The following ZMIZ1 variants were observed in gnomAD, a reference collection of about 807,000 sequenced individuals.
ZMIZ1 encodes the protein zinc finger MIZ domain-containing protein 1.
A neutral mutation model predicts 113.9 loss-of-function variants in ZMIZ1; 17 were observed. That is an observed-to-expected ratio of 0.15 (90% CI 0.10 to 0.22). The LOEUF is 0.22. Ranked by LOEUF, ZMIZ1 falls within the 10% of genes least tolerant of loss-of-function variation. The probability of loss-of-function intolerance (pLI) is 1.00; values close to 1 mark genes in which losing one functional copy is unlikely to be tolerated. For missense variants in ZMIZ1, 1,059 were observed against 1,477.8 expected, an observed-to-expected ratio of 0.72 and a Z score of 4.65; for synonymous variants, 607 against 603.1, an observed-to-expected ratio of 1.01 and a Z score of -0.09.
intron 7 of ZMIZ1, among the ~76,000 whole-genome samples, chr10:79,238,077 C>T (rs975616397): frequency 3.0e-4 from 45 of 152,316 alleles, no homozygotes; most frequent in African/African-American, 1.0e-3. Context: ...CCTCCCCGCT[C>T]GGTAGCCTGG....
intron 3 of ZMIZ1, among the ~76,000 whole-genome samples, chr10:79,160,958 G>A (rs1259380837): frequency 6.6e-6 from 1 of 152,194 alleles, no homozygotes; most frequent in East Asian, 1.9e-4. Context: ...TTGAATTCAG[G>A]GTTCTGCACA....
At chr10:79,179,964 G>C (rs574421814) in intron 4 of ZMIZ1, among the ~76,000 whole-genome samples, 2 of 152,252 alleles carry the variant, frequency 1.3e-5, no homozygotes, top group Non-Finnish European at 2.9e-5. Flanking sequence ...TGGGGCCAAC[G>C]GGGCAGGCTG....
intron 24 of ZMIZ1, 85 bp from the exon 25 acceptor site, chr10:79,312,557 C>T (rs986022019): frequency 5.6e-5 from 80 of 1,432,412 alleles, no homozygotes; most frequent in Admixed American, 4.2e-4. Flanking sequence ...TGGAGGGGGA[C>T]GGGCCAGGGC....
chr10:79,164,440 T>C (rs571185329), intron 4 of ZMIZ1, among the ~76,000 whole-genome samples: 9 of 52,136 alleles, frequency 1.7e-4, no homozygotes, highest in African/African-American at 9.4e-4. Context: ...GAGTGAGTGA[T>C]TCTCATGCGT....
chr10:79,145,289 G>A (rs753886195), intron 3 of ZMIZ1, among the ~76,000 whole-genome samples: 100 of 151,896 alleles, frequency 6.6e-4, no homozygotes, highest in Non-Finnish European at 1.2e-3. Flanking sequence ...CTCTCCTGAG[G>A]TCTTCTCTCC....
intron 13 of ZMIZ1, among the ~76,000 whole-genome samples, chr10:79,297,135 T>C (rs1349698815): frequency 1.3e-5 from 2 of 152,228 alleles, no homozygotes; most frequent in African/African-American, 4.8e-5. Flanking sequence ...CCTAATATTC[T>C]GCTGAGATCA....
chr10:79,225,712 G>T (rs1461187409), intron 7 of ZMIZ1, among the ~76,000 whole-genome samples: 1 of 152,172 alleles, frequency 6.6e-6, no homozygotes, highest in Non-Finnish European at 1.5e-5. Flanking sequence ...GGTTGCAGTG[G>T]TTCTCCCACT....
intron 7 of ZMIZ1, among the ~76,000 whole-genome samples, chr10:79,243,086 A>G (rs1589472212): frequency 1.3e-5 from 2 of 150,438 alleles, no homozygotes; most frequent in African/African-American, 4.9e-5. Flanking sequence ...CTCGCCTTTC[A>G]TCTTCCTCCC....
chr10:79,156,709 G>A (rs1845915232), intron 3 of ZMIZ1, among the ~76,000 whole-genome samples: 2 of 152,192 alleles, frequency 1.3e-5, no homozygotes, highest in Admixed American at 6.5e-5. Context: ...TGAACCAAGC[G>A]TACCTCGGGA....
intron 4 of ZMIZ1, among the ~76,000 whole-genome samples, chr10:79,185,548 C>G (rs1232739565): frequency 2.0e-5 from 3 of 151,300 alleles, no homozygotes; most frequent in African/African-American, 4.9e-5. Context: ...AGAAATAAAA[C>G]AAGCAGGTTT....
In ZMIZ1 at chr10:79,312,666, G is replaced by T; in HGVS notation, c.3121G>T (p.Asp1041Tyr). 1 of 1,614,142 alleles carries T rather than the reference G, an allele frequency of 6.2e-7. No individual in the cohort carries two copies. Among genetic ancestry groups the T allele is most frequent in the Non-Finnish European group, 8.5e-7 (1 of 1,180,008 alleles). The change falls in exon 25 of 25, where the codon GAC (aspartate) becomes TAC (tyrosine). Residue 1041 changes from aspartate to tyrosine, a missense_variant. Physicochemically the swap from Asp to Tyr is radical, Grantham distance 160 (BLOSUM62 -3). Around this residue, in one of 6 missense-constraint regions of ZMIZ1, gnomAD observed 225 missense variants for 276.0 expected, o/e 0.82. Coordinates refer to ENST00000334512, the MANE Select transcript of ZMIZ1 (RefSeq NM_020338.4). The stretch of plus-strand genomic sequence containing the variant: ...GCTCCTTCCCGAACTCACAAATCCT[G>T]ACGAGCTCCTGTCTTATCTGGACCC... The part of the protein sequence containing the change: ...LDLLPELTNP[D>Y]ELLSYLDPPD...
intron 7 of ZMIZ1, among the ~76,000 whole-genome samples, chr10:79,217,827 T>C (rs533037788): frequency 3.9e-5 from 6 of 152,366 alleles, no homozygotes; most frequent in African/African-American, 1.2e-4. Flanking sequence ...ATTGCTATCG[T>C]ATTGAACTGC....
At position 79,081,362 on chromosome 10, in the gene ZMIZ1, G is replaced by GGAGACCT. The variant is rs1480815917; in HGVS notation, c.-337+12102_-337+12108dup. On this transcript the variant is annotated intron_variant, in intron 1 of 24. Coordinates refer to ENST00000334512, the MANE Select transcript of ZMIZ1 (RefSeq NM_020338.4). ...CCTCTGGTAAGAGTCTGGGCAGCTT[G>GGAGACCT]GAGACCTGAGACCTGACCTGAAAAT... is the stretch of plus-strand genomic sequence containing the variant. 4.6e-5 allele frequency among the ~76,000 whole-genome samples: 7 copies of GGAGACCT among 152,178 alleles called. No homozygotes were observed. In the East Asian group the frequency reaches 1.2e-3, roughly 25 times the overall value.
intron 7 of ZMIZ1, among the ~76,000 whole-genome samples, chr10:79,243,134 G>T (rs1849952378): frequency 6.6e-6 from 1 of 151,230 alleles, no homozygotes; most frequent in African/African-American, 2.4e-5. Context: ...CCCCCGCCGC[G>T]GCTGGCCTGG....
At chr10:79,223,353 A>C (rs1450328671) in intron 7 of ZMIZ1, among the ~76,000 whole-genome samples, 1 of 152,222 alleles carries the variant, frequency 6.6e-6, no homozygotes, top group African/African-American at 2.4e-5. Context: ...GCCGCCTGGC[A>C]GGCTGGGGCA....
chr10:79,095,930 T>G (rs898143417), intron 1 of ZMIZ1, among the ~76,000 whole-genome samples: 1 of 152,240 alleles, frequency 6.6e-6, no homozygotes, highest in Non-Finnish European at 1.5e-5. Flanking sequence ...ATGTCTCCTC[T>G]GTTGCTGAAC....
In ZMIZ1 at chr10:79,316,392, A is replaced by G. The variant is rs1275337812; in HGVS notation, c.*3643A>G. ...GATGAAACCTGTATATTAGGTGTTC[A>G]TGTGGTTATTTTGTATTTAAAGATC... is the stretch of plus-strand genomic sequence containing the variant. On this transcript the variant is annotated 3_prime_UTR_variant, in exon 25 of 25. Coordinates refer to ENST00000334512, the MANE Select transcript of ZMIZ1 (RefSeq NM_020338.4). 1 of 152,812 alleles carries G rather than the reference A, an allele frequency of 6.5e-6. No individual in the cohort carries two copies. Among genetic ancestry groups the G allele is most frequent in the Non-Finnish European group, 1.5e-5 (1 of 68,050 alleles). 9.5% of individuals were successfully genotyped at this position (152,812 alleles called of 1,614,324 possible).
At chr10:79,151,224 A>G (rs1215248783) in intron 3 of ZMIZ1, among the ~76,000 whole-genome samples, 2 of 152,154 alleles carry the variant, frequency 1.3e-5, no homozygotes, top group African/African-American at 4.8e-5. Context: ...CCTTGGACAC[A>G]TTGCTGCTCT....
intron 1 of ZMIZ1, among the ~76,000 whole-genome samples, chr10:79,109,758 A>G (rs1843674095): frequency 6.6e-6 from 1 of 152,254 alleles, no homozygotes; most frequent in Non-Finnish European, 1.5e-5. Flanking sequence ...GGCCCTAGAC[A>G]GCCCCTCTGC....
Sources: allele counts gnomAD v4.1 joint callset (sites outside exome capture counted in the v4.1 genomes callset), GRCh38; gene constraint gnomAD v4.1.1; regional missense constraint gnomAD v4.1.1; transcripts MANE v1.5; gene names NCBI Gene and HGNC (gene_info 2026-07-23, HGNC 2026-07-21).